KCNIP1: variants seen among roughly 807,000 people sequenced by gnomAD.
KCNIP1 encodes the protein A-type potassium channel modulatory protein KCNIP1.
KCNIP1 carries 18 observed loss-of-function variants against 33.0 expected under a neutral mutation model. That is an observed-to-expected ratio of 0.55 (90% CI 0.38 to 0.81). The LOEUF (loss-of-function observed/expected upper bound fraction) is 0.81, where lower values mean the gene tolerates loss of function less well. Among genes scored for constraint, KCNIP1 ranks in the 30% least tolerant of loss-of-function variants. The pLI, the probability that KCNIP1 is intolerant of heterozygous loss-of-function variation, is 0.00. For missense variants in KCNIP1, 238 were observed against 271.6 expected (o/e 0.88, Z 0.87); for synonymous variants, 93 against 98.3 (o/e 0.95, Z 0.32).
rs1288689328 is a variant in KCNIP1, at chr5:170,703,345, G to A, written c.62-15413G>A. Among the ~76,000 whole-genome samples the A allele has an allele frequency of 1.4e-5, 2 of 138,514 alleles. 1 individual carries two copies. The highest frequency in any genetic ancestry group is 3.0e-5 in the Non-Finnish European group (2 of 65,850). The allele number at this position is 138,514 out of a possible 152,430, so 90.9% of individuals were successfully genotyped here. A position where few individuals can be genotyped will look rare whatever the true frequency, so the allele number is the denominator to read the frequency against. ...CTTAGTGTTGGAAATGTAATAGGGA[G>A]TAGTGGGGACTGCGGTTTAATTGTT... On this transcript the variant is annotated intron_variant, in intron 1 of 7. Coordinates refer to ENST00000328939, the MANE Select transcript of KCNIP1 (RefSeq NM_014592.4).
intron 5 of KCNIP1, 143 bp from the exon 6 acceptor site, chr5:170,732,657 A>G: frequency 1.8e-6 from 1 of 570,046 alleles, no homozygotes; most frequent in Admixed American, 2.8e-5. Flanking sequence ...GCTTGCTTCT[A>G]ACTCCCTATC....
intron 1 of KCNIP1, among the ~76,000 whole-genome samples, chr5:170,693,539 T>C (rs558079433): frequency 1.3e-5 from 2 of 152,252 alleles, no homozygotes; most frequent in Non-Finnish European, 2.9e-5. Context: ...GTGACAGGTA[T>C]GAGAGCCAAG....
upstream of KCNIP1, among the ~76,000 whole-genome samples, chr5:170,503,095 A>G (rs924296094): frequency 1.3e-5 from 2 of 152,136 alleles, no homozygotes; most frequent in Non-Finnish European, 2.9e-5. Context: ...AGAAACAGAA[A>G]AATGAGAGAG....
chr5:170,612,024 G>A (rs1489508099), intron 1 of KCNIP1, among the ~76,000 whole-genome samples: 1 of 152,198 alleles, frequency 6.6e-6, no homozygotes, highest in Admixed American at 6.5e-5. Context: ...AGTGAATAAT[G>A]GCCCCACACC....
intron 1 of KCNIP1, among the ~76,000 whole-genome samples, chr5:170,534,472 A>G (rs1453933110): frequency 1.5e-5 from 1 of 66,284 alleles, no homozygotes; most frequent in East Asian, 3.4e-4. Context: ...GAGAGGGAGA[A>G]GGAGGAGGAG....
At chr5:170,429,920 A>T (rs1455356971) in intron 1 of KCNIP1, among the ~76,000 whole-genome samples, 1 of 152,252 alleles carries the variant, frequency 6.6e-6, no homozygotes, top group Non-Finnish European at 1.5e-5. Flanking sequence ...GACATGAAGC[A>T]GATGCAATAC....
At chr5:170,406,673 C>T (rs1365392654) in intron 1 of KCNIP1, among the ~76,000 whole-genome samples, 1 of 152,168 alleles carries the variant, frequency 6.6e-6, no homozygotes, top group African/African-American at 2.4e-5. Context: ...CATCAGCATC[C>T]CTCTCTTCTT....
At chr5:170,607,279 A>G (rs1348970599) in intron 1 of KCNIP1, among the ~76,000 whole-genome samples, 2 of 152,182 alleles carry the variant, frequency 1.3e-5, no homozygotes, top group African/African-American at 2.4e-5. Context: ...TGATGAAAAC[A>G]ATTCCCGTTT....
chr5:170,521,214 A>G (rs1755353669), intron 1 of KCNIP1, among the ~76,000 whole-genome samples: 2 of 152,192 alleles, frequency 1.3e-5, no homozygotes, highest in African/African-American at 4.8e-5. Context: ...CCTCATTATG[A>G]GACTTTTTTA....
At chr5:170,396,728 C>G (rs1183428493) in intron 1 of KCNIP1, among the ~76,000 whole-genome samples, 3 of 152,138 alleles carry the variant, frequency 2.0e-5, no homozygotes, top group African/African-American at 7.2e-5. Context: ...GTTATGGAAA[C>G]TAAGGTTATT....
intron 1 of KCNIP1, among the ~76,000 whole-genome samples, chr5:170,479,471 C>T (rs1035002373): frequency 6.6e-6 from 1 of 152,186 alleles, no homozygotes; most frequent in Admixed American, 6.5e-5. Context: ...TGCTTAATAA[C>T]CCAACATATA....
rs56358014 is a variant in KCNIP1, at chr5:170,587,421, C to CAAAAAAAAAAAAAAAAA, written c.61+82797_61+82813dup. 1.9e-3 allele frequency among the ~76,000 whole-genome samples: 137 copies of CAAAAAAAAAAAAAAAAA among 70,330 alleles called. 1 individual carries two copies. Among genetic ancestry groups the CAAAAAAAAAAAAAAAAA allele is most frequent in the Non-Finnish European group, 3.1e-3 (113 of 36,460 alleles). The allele number at this position is 70,330 out of a possible 152,430, so 46.1% of individuals were successfully genotyped here. ...TGGGCAACAGAGCGAGACTCTGTCT[C>CAAAAAAAAAAAAAAAAA]AAAAAAAAAAAAAAAAAAAAAAAAA... On this transcript the variant is annotated intron_variant, in intron 1 of 7. Transcript: ENST00000328939.
rs556585047 is a variant in KCNIP1, at chr5:170,469,041, C to G, written c.88+115077C>G. ...CATAAGCATAGAATCTCTCCCCAGC[C>G]CCATTTTTAAACAAAGAGATATATT... On this transcript the variant is annotated intron_variant, in intron 1 of 7. Coordinates refer to the KCNIP1 transcript ENST00000377360. 5.4e-4 allele frequency among the ~76,000 whole-genome samples: 82 copies of G among 152,206 alleles called. 2 individuals are homozygous for G. The highest frequency in any genetic ancestry group is 4.1e-3 in the East Asian group (21 of 5,178).
intron 1 of KCNIP1, among the ~76,000 whole-genome samples, chr5:170,466,187 A>T (rs1001975072): frequency 3.9e-5 from 6 of 152,172 alleles, no homozygotes; most frequent in African/African-American, 1.4e-4. Context: ...GTAGAGAGAG[A>T]GAAGGCAATG....
intron 1 of KCNIP1, among the ~76,000 whole-genome samples, chr5:170,589,301 C>T (rs113187324): frequency 0.084 from 12,783 of 152,066 alleles, 600 homozygotes; most frequent in South Asian, 0.12. Flanking sequence ...ACCCAGCCAG[C>T]GAGCTCATAC....
At position 170,504,657 on chromosome 5, in the gene KCNIP1, T is replaced by C; in HGVS notation, c.61+24T>C. On this transcript the variant is annotated intron_variant, in intron 1 of 7. Coordinates refer to ENST00000328939, the MANE Select transcript of KCNIP1 (RefSeq NM_014592.4). This position sits in a 1 kb window ranked among gnomAD's most constrained non-coding sequence, Gnocchi z 6.0. The stretch of plus-strand genomic sequence containing the variant: ...AGGTAAGCCACCTTCTTCCTTTTGT[T>C]CCCCTGTCTGGGCTTGGGGGTGCTA... 1 of 1,603,406 alleles carries C rather than the reference T, an allele frequency of 6.2e-7. No homozygotes were observed. Among genetic ancestry groups the C allele is most frequent in the South Asian group, 1.1e-5 (1 of 90,864 alleles).
chr5:170,400,832 C>T (rs1240329734), intron 1 of KCNIP1, among the ~76,000 whole-genome samples: 1 of 152,200 alleles, frequency 6.6e-6, no homozygotes, highest in African/African-American at 2.4e-5. Flanking sequence ...TGGAAATGTT[C>T]TATAACTTTA....
intron 1 of KCNIP1, among the ~76,000 whole-genome samples, chr5:170,610,816 C>T (rs900255342): frequency 2.0e-5 from 3 of 152,154 alleles, no homozygotes; most frequent in African/African-American, 7.2e-5. Flanking sequence ...GTAGGTAAAC[C>T]TCCAAGCCAT....
At chr5:170,450,900 C>T (rs1756234300) in intron 1 of KCNIP1, among the ~76,000 whole-genome samples, 3 of 152,102 alleles carry the variant, frequency 2.0e-5, no homozygotes, top group Admixed American at 1.3e-4. Context: ...GTGGCTGACA[C>T]GTTCAGTGCT....
Sources: allele counts gnomAD v4.1 joint callset (sites outside exome capture counted in the v4.1 genomes callset), GRCh38; gene constraint gnomAD v4.1.1; non-coding constraint Gnocchi (gnomAD v3.1); transcripts MANE v1.5; gene names NCBI Gene and HGNC (gene_info 2026-07-23, HGNC 2026-07-21).